Variants in ZBTB25 observed in about 807,000 individuals in gnomAD.
ZBTB25 encodes the protein zinc finger and BTB domain-containing protein 25.
Under a neutral mutation model 34.2 loss-of-function variants are expected in ZBTB25, and 20 were observed. That is an observed-to-expected ratio of 0.58 (90% confidence interval 0.41 to 0.85). ZBTB25 has a LOEUF of 0.85. Among genes scored for constraint, ZBTB25 ranks in the 40% least tolerant of loss-of-function variants. ZBTB25 has a pLI of 0.00. For missense variants in ZBTB25, 437 were observed against 521.8 expected (o/e 0.84, Z 1.58); for synonymous variants, 175 against 186.4 (o/e 0.94, Z 0.50).
chr14:64,491,291 C>T (rs550993170), intron 1 of ZBTB25, among the ~76,000 whole-genome samples: 9 of 152,218 alleles, frequency 5.9e-5, no homozygotes, highest in Middle Eastern at 3.4e-3. Context: ...TATAGTGAAA[C>T]GTCATCTCCA....
intron 2 of ZBTB25, among the ~76,000 whole-genome samples, chr14:64,488,836 T>C (rs1041211500): frequency 6.6e-6 from 1 of 152,192 alleles, no homozygotes; most frequent in Non-Finnish European, 1.5e-5. Flanking sequence ...GTGGTAATGG[T>C]TGTACAACAT....
intron 2 of ZBTB25, chr14:64,467,357 G>A (rs1187410540): frequency 1.3e-5 from 2 of 152,164 alleles, no homozygotes; most frequent in African/African-American, 2.4e-5. Flanking sequence ...TAATACCCAA[G>A]AATTGCTCAA....
At chr14:64,458,817 G>A (rs556067729) in intron 2 of ZBTB25, among the ~76,000 whole-genome samples, 6 of 152,308 alleles carry the variant, frequency 3.9e-5, no homozygotes, top group Non-Finnish European at 2.9e-5. Flanking sequence ...CGACTGCAAT[G>A]AGTGACATTG....
At chr14:64,496,990 T>C (rs1271691575) in intron 1 of ZBTB25, among the ~76,000 whole-genome samples, 1 of 152,170 alleles carries the variant, frequency 6.6e-6, no homozygotes, top group Non-Finnish European at 1.5e-5. Flanking sequence ...GTCAAACAAC[T>C]AGCTATTAAA....
In ZBTB25 at chr14:64,488,040, T is replaced by C; in HGVS notation, c.191A>G (p.Gln64Arg). ...IHQTSECIKI[Q>R]PTDIQPDIFS... ...TATGTCAGGTTGGATGTCAGTTGGT[T>C]GTATTTTTATGCATTCACTGTTAAA... Residue 64 changes from glutamine (Q) to arginine (R), a missense_variant, in exon 3 of 3, where the codon CAA becomes CGA. Gln to Arg is a conservative substitution (Grantham distance 43). Transcript: ENST00000608382. The C allele has an allele frequency of 6.2e-7, 1 of 1,611,780 alleles. No individual in the cohort carries two copies. Among genetic ancestry groups the C allele is most frequent in the Middle Eastern group, 1.7e-4 (1 of 6,058 alleles).
intron 1 of ZBTB25, among the ~76,000 whole-genome samples, chr14:64,500,906 C>A (rs908282710): frequency 3.9e-5 from 6 of 151,968 alleles, no homozygotes; most frequent in Admixed American, 3.3e-4. Flanking sequence ...CAAAAATTAG[C>A]CAGGTGTGGT....
rs751266101 is a variant in ZBTB25 at position 64,488,044 on chromosome 14, T to G, written c.187A>C (p.Ile63Leu). Reference sequence around the variant, plus strand: ...TCAGGTTGGATGTCAGTTGGTTGTATTTTTATGCATTCACTGTTAAAAACA... The same window carrying G: ...TCAGGTTGGATGTCAGTTGGTTGTAGTTTTATGCATTCACTGTTAAAAACA... Reference protein sequence around the residue: ...FIHQTSECIKIQPTDIQPDIF... With the variant: ...FIHQTSECIKLQPTDIQPDIF... Residue 63 changes from isoleucine (I) to leucine (L), a missense_variant, in exon 3 of 3, where the codon ATA becomes CTA. Transcript: ENST00000608382. The G allele has an allele frequency of 6.2e-7, 1 of 1,611,218 alleles. No individual in the cohort carries two copies. Among genetic ancestry groups the G allele is most frequent in the South Asian group, 1.1e-5 (1 of 90,974 alleles).
At chr14:64,490,091 C>T (rs528627974) in intron 2 of ZBTB25, among the ~76,000 whole-genome samples, 61 of 149,982 alleles carry the variant, frequency 4.1e-4, no homozygotes, top group African/African-American at 1.4e-3. Context: ...GCCTGTAATC[C>T]CAGGTACTCG....
At chr14:64,455,397 G>A (rs188620188) in intron 2 of ZBTB25, among the ~76,000 whole-genome samples, 4 of 152,282 alleles carry the variant, frequency 2.6e-5, no homozygotes, top group East Asian at 1.9e-4. Context: ...GCTTATTTAC[G>A]CTTCAAGGTG....
intron 1 of ZBTB25, chr14:64,503,248 G>T (rs954703576): frequency 1.0e-6 from 1 of 985,368 alleles, no homozygotes; most frequent in African/African-American, 1.7e-5. Context: ...GGAAACAGTA[G>T]CCGCAGCGTC....
Position 64,480,228 on chromosome 14 carries a change from CAGG to C in ZBTB25, c.*6692_*6694del, listed in dbSNP as rs1207937104. 3.8e-6 allele frequency: 1 copy of C among 261,720 alleles called. No individual in the cohort carries two copies. The highest frequency in any genetic ancestry group is 7.4e-6 in the Non-Finnish European group (1 of 134,426). The allele number at this position is 261,720 out of a possible 1,614,324, so 16.2% of individuals were successfully genotyped here. ...ATCTCAGCTACTCGGGAGGCTGAGGCAGGAGAATAGCTTGAACCTGGGATGTGA... is the reference window on the plus strand; with the variant it reads ...ATCTCAGCTACTCGGGAGGCTGAGGCAGAATAGCTTGAACCTGGGATGTGA... On this transcript the variant is annotated 3_prime_UTR_variant, in exon 3 of 3. Transcript: ENST00000608382.
At chr14:64,469,031 G>A (rs2078640081) in intron 2 of ZBTB25, 2 of 1,614,174 alleles carry the variant, frequency 1.2e-6, no homozygotes, top group African/African-American at 2.7e-5. Flanking sequence ...GATTTCAGTA[G>A]AACTTGGATT....
intron 2 of ZBTB25, among the ~76,000 whole-genome samples, chr14:64,450,069 C>T (rs958726788): frequency 6.6e-6 from 1 of 152,156 alleles, no homozygotes; most frequent in Non-Finnish European, 1.5e-5. Flanking sequence ...GAATTACAGG[C>T]GTGAGCCACT....
At chr14:64,493,247 G>A (rs766426084) in intron 1 of ZBTB25, among the ~76,000 whole-genome samples, 16 of 152,228 alleles carry the variant, frequency 1.1e-4, no homozygotes, top group Admixed American at 2.0e-4. Context: ...GGAGAACAGA[G>A]CGTGGTAGTT....
upstream of ZBTB25, chr14:64,505,027 G>C (rs1363944144): frequency 5.2e-6 from 2 of 383,040 alleles, no homozygotes; most frequent in African/African-American, 4.2e-5. Flanking sequence ...CTGGCGGAGT[G>C]CGGGGCCGGA....
At chr14:64,494,768 G>C (rs1051144902) in intron 1 of ZBTB25, among the ~76,000 whole-genome samples, 7 of 152,154 alleles carry the variant, frequency 4.6e-5, no homozygotes, top group African/African-American at 1.7e-4. Context: ...AAGAAACCTG[G>C]AGTAATAAAC....
chr14:64,469,374 C>G, intron 2 of ZBTB25: 1 of 1,613,914 alleles, frequency 6.2e-7, no homozygotes. Context: ...GAAGAGAAAT[C>G]CAAATCAGAA....
At chr14:64,503,630 C>G in intron 1 of ZBTB25, 31 bp downstream of exon 1, 1 of 985,258 alleles carries the variant, frequency 1.0e-6, no homozygotes, top group African/African-American at 1.7e-5. Flanking sequence ...GAGCCCGGGG[C>G]AGCCCACAGG....
chr14:64,454,597 G>C, intron 2 of ZBTB25: 1 of 758,552 alleles, frequency 1.3e-6, no homozygotes, highest in Non-Finnish European at 2.3e-6. Context: ...GCAAGATAGA[G>C]ATGTATATAA....
Sources: gnomAD v4.1 joint callset for allele counts (sites outside exome capture counted in the v4.1 genomes callset) on GRCh38, gnomAD v4.1.1 for gene constraint, MANE v1.5 for transcripts, NCBI Gene and HGNC (gene_info 2026-07-23, HGNC 2026-07-21) for gene names.